Variants in EHMT1 observed in about 807,000 individuals in gnomAD.
EHMT1 encodes the protein histone-lysine N-methyltransferase EHMT1.
Under a neutral mutation model 147.2 loss-of-function variants are expected in EHMT1, and 15 were observed. That is an observed-to-expected ratio of 0.10 (90% CI 0.07 to 0.16). EHMT1 has a LOEUF of 0.16. Among genes scored for constraint, EHMT1 ranks in the 10% least tolerant of loss-of-function variants. EHMT1 has a pLI of 1.00. For missense variants in EHMT1, 1,587 were observed against 1,772.4 expected (o/e 0.90, Z 1.88); for synonymous variants, 795 against 709.6 (o/e 1.12, Z -1.91).
intron 1 of EHMT1, among the ~76,000 whole-genome samples, chr9:137,652,491 A>G (rs763033150): frequency 5.9e-5 from 9 of 151,572 alleles, no homozygotes; most frequent in African/African-American, 1.9e-4. Context: ...GGTTGGAGCA[A>G]TTCTCCTGCC....
chr9:137,653,526 C>G (rs1938091937), intron 1 of EHMT1, among the ~76,000 whole-genome samples: 2 of 151,992 alleles, frequency 1.3e-5, no homozygotes, highest in Non-Finnish European at 2.9e-5. Flanking sequence ...TTGATTTTCT[C>G]TTTCTTTTTT....
intron 16 of EHMT1, among the ~76,000 whole-genome samples, chr9:137,796,090 G>A (rs1170974941): frequency 6.6e-6 from 1 of 152,218 alleles, no homozygotes; most frequent in Non-Finnish European, 1.5e-5. Flanking sequence ...AACCAGCCAT[G>A]TCTTCCTGCA....
chr9:137,697,140 G>A (rs892942622), intron 1 of EHMT1: 3 of 386,628 alleles, frequency 7.8e-6, no homozygotes, highest in Non-Finnish European at 1.6e-5. Context: ...AATTAGCTGG[G>A]CATGTTGGCA....
At position 137,744,082 on chromosome 9, in the gene EHMT1, G is replaced by A. The variant is rs11137198; in HGVS notation, c.1162G>A (p.Ala388Thr). ...GGAGAGCATGTCGGAGGCTGATCGC[G>A]CCCAGAAGGTATGTGTTGCTGTCTT... Reference protein sequence around the residue: ...SKESMSEADRAQKMDGESEEE... With the variant: ...SKESMSEADRTQKMDGESEEE... Residue 388 changes from alanine to threonine, a missense_variant, in exon 6 of 27, where the codon GCC (alanine) becomes ACC (threonine). Physicochemically the swap from Ala to Thr is moderately conservative, Grantham distance 58. Coordinates refer to ENST00000460843, the MANE Select transcript of EHMT1 (RefSeq NM_024757.5). 28,894 of 1,613,972 alleles carry A rather than the reference G, an allele frequency of 0.018. 341 individuals carry two copies. Among genetic ancestry groups the A allele is most frequent in the Non-Finnish European group, 0.02 (24,171 of 1,180,012 alleles).
intron 4 of EHMT1, among the ~76,000 whole-genome samples, chr9:137,736,735 A>G (rs1947565264): frequency 6.6e-6 from 1 of 152,214 alleles, no homozygotes; most frequent in African/African-American, 2.4e-5. Flanking sequence ...TACTAAAAAT[A>G]CAAAAATTAG....
Position 137,787,971 on chromosome 9 carries a change from C to A in EHMT1, c.2383-2877C>A. On this transcript the variant is annotated intron_variant, in intron 15 of 26. Transcript: ENST00000460843. This position sits in a 1 kb window ranked among gnomAD's most constrained non-coding sequence, Gnocchi z 4.2. ...GGCCCTGTGTCCCCCACTGGACAGC[C>A]CCCCAGGAACTGAGGTGCCCTGCAG... The A allele has an allele frequency of 6.7e-7, 1 of 1,484,412 alleles. No individual in the cohort carries two copies. The highest frequency in any genetic ancestry group is 9.3e-7 in the Non-Finnish European group (1 of 1,070,094). The allele number at this position is 1,484,412 out of a possible 1,614,324, so 92.0% of individuals were successfully genotyped here.
chr9:137,811,944 C>G (rs1250623537), intron 19 of EHMT1, among the ~76,000 whole-genome samples: 1 of 152,226 alleles, frequency 6.6e-6, no homozygotes, highest in Non-Finnish European at 1.5e-5. Context: ...AGCTCAGAGT[C>G]CCCGAGAGGC....
chr9:137,811,675 G>T, intron 19 of EHMT1, 60 bp downstream of exon 19: 1 of 1,595,814 alleles, frequency 6.3e-7, no homozygotes, highest in South Asian at 1.1e-5. Context: ...CGCCCAGAGA[G>T]ACCGCTTGAC....
rs1180679097 is a variant in EHMT1, at chr9:137,638,297, A to T, written c.21+19248A>T. 5 of 152,008 alleles carry T rather than the reference A, an allele frequency of 3.3e-5. No individual in the cohort carries two copies. The East Asian group carries it at 9.6e-4, about 29-fold the overall frequency. 9.4% of individuals were successfully genotyped at this position (152,008 alleles called of 1,614,324 possible). ...AGCTAATTTTTTGCATTTTTAGGAG[A>T]CGGAGTTTCACCATGTTGGCTGTGC... On this transcript the variant is annotated intron_variant, in intron 1 of 26. Transcript: ENST00000460843.
intron 3 of EHMT1, among the ~76,000 whole-genome samples, chr9:137,718,727 T>C (rs1466465107): frequency 6.6e-6 from 1 of 151,968 alleles, no homozygotes; most frequent in African/African-American, 2.4e-5. Flanking sequence ...CCAGTATCTC[T>C]GATTAGTTCT....
chr9:137,834,570 G>T, intron 26 of EHMT1, 46 bp downstream of exon 26: 1 of 1,606,572 alleles, frequency 6.2e-7, no homozygotes, highest in Non-Finnish European at 8.5e-7. Flanking sequence ...CCGGCGGGAC[G>T]GTTTTAGGAA....
intron 1 of EHMT1, among the ~76,000 whole-genome samples, chr9:137,634,787 C>T (rs1179359774): frequency 6.8e-6 from 1 of 147,904 alleles, no homozygotes; most frequent in Non-Finnish European, 1.5e-5. Context: ...ACTGCAACCT[C>T]TGCCTTCCAG....
intron 18 of EHMT1, among the ~76,000 whole-genome samples, chr9:137,808,324 C>T (rs1054327655): frequency 2.5e-4 from 38 of 152,156 alleles, no homozygotes; most frequent in African/African-American, 8.7e-4. Context: ...GCCTGCCTAC[C>T]CCCTGCGCCA....
intron 5 of EHMT1, 137 bp downstream of exon 5, chr9:137,743,665 C>A: frequency 1.5e-6 from 2 of 1,363,420 alleles, no homozygotes; most frequent in Non-Finnish European, 1.0e-6. Flanking sequence ...GCCATAGGGG[C>A]AGAGTGTTCG....
chr9:137,724,521 G>T (rs1324818795), intron 3 of EHMT1, among the ~76,000 whole-genome samples: 2 of 152,230 alleles, frequency 1.3e-5, no homozygotes, highest in African/African-American at 4.8e-5. Flanking sequence ...TGAGATTCTT[G>T]AAAATAACCT....
intron 1 of EHMT1, among the ~76,000 whole-genome samples, chr9:137,635,617 G>A (rs747295044): frequency 1.3e-5 from 2 of 151,318 alleles, no homozygotes; most frequent in South Asian, 2.1e-4. Flanking sequence ...TCAGGAGATC[G>A]AGACCATCCT....
intron 23 of EHMT1, chr9:137,816,328 G>A (rs537163113): frequency 8.2e-5 from 43 of 522,944 alleles, no homozygotes; most frequent in African/African-American, 1.5e-4. Context: ...GCAGAGGAAC[G>A]GACTTGGCCT....
At chr9:137,814,574 G>C in intron 22 of EHMT1, 66 bp downstream of exon 22, 3 of 1,553,696 alleles carry the variant, frequency 1.9e-6, no homozygotes, top group African/African-American at 2.7e-5. Flanking sequence ...TGCAAAAACA[G>C]TGCAGGCGTC....
chr9:137,775,005 C>T lies in EHMT1; in HGVS notation c.1648-104C>T. On this transcript the variant is annotated intron_variant, in intron 10 of 26. Transcript: ENST00000460843. This position sits in a 1 kb window ranked among gnomAD's most constrained non-coding sequence, Gnocchi z 6.1. ...CAGGGCTCGGCTCAGTCAGCCCACA[C>T]CTGCTGAGCAGCTCTTGTGTGCCTG... 1 of 1,552,470 alleles carries T rather than the reference C, an allele frequency of 6.4e-7. No homozygotes were observed. The highest frequency in any genetic ancestry group is 8.9e-7 in the Non-Finnish European group (1 of 1,128,472).
Sources: gnomAD v4.1 joint callset for allele counts (sites outside exome capture counted in the v4.1 genomes callset) on GRCh38, gnomAD v4.1.1 for gene constraint, Gnocchi (gnomAD v3.1) non-coding constraint, MANE v1.5 for transcripts, NCBI Gene and HGNC (gene_info 2026-07-23, HGNC 2026-07-21) for gene names.